Variants in AEBP1 observed in about 807,000 individuals in gnomAD.
The protein encoded by AEBP1 is AE binding protein 1, also known as adipocyte enhancer-binding protein 1.
A neutral mutation model predicts 116.5 loss-of-function variants in AEBP1; 69 were observed. That is an observed-to-expected ratio of 0.59 (90% CI 0.49 to 0.72). The LOEUF (loss-of-function observed/expected upper bound fraction) is 0.72, where lower values mean the gene tolerates loss of function less well. Among genes scored for constraint, AEBP1 ranks in the 30% least tolerant of loss-of-function variants. The probability of loss-of-function intolerance (pLI) is 0.00; values close to 1 mark genes in which losing one functional copy is unlikely to be tolerated. For missense variants in AEBP1, 1,444 were observed against 1,557.5 expected (o/e 0.93, Z 1.23); for synonymous variants, 627 against 627.3 (o/e 1.00, Z 0.01).
At position 44,111,233 on chromosome 7, in the gene AEBP1, G is replaced by A; in HGVS notation, c.1710G>A (p.Met570Ile). 6.6e-7 allele frequency: 1 copy of A among 1,514,824 alleles called. No individual in the cohort carries two copies. The highest frequency in any genetic ancestry group is 2.3e-5 in the East Asian group (1 of 43,858). 93.8% of individuals were successfully genotyped at this position (1,514,824 alleles called of 1,614,324 possible). ...TCCGGCACCACAGCTACAAGGACAT[G>A]CGCCAGGTTGGGAGCATATATCCTG... is the stretch of plus-strand genomic sequence containing the variant. ...LDFRHHSYKD[M>I]RQLMKVVNEE... Residue 570 changes from methionine (M) to isoleucine (I), a missense_variant, in exon 14 of 21, where the codon ATG (methionine) becomes ATA (isoleucine). By Grantham distance (10) the Met-to-Ile change is conservative. Coordinates refer to ENST00000223357, the MANE Select transcript of AEBP1 (RefSeq NM_001129.5). This position sits in a 1 kb window ranked among gnomAD's most constrained non-coding sequence, Gnocchi z 4.7.
In AEBP1 at chr7:44,108,967, GA is replaced by G. The variant is rs763733860; in HGVS notation, c.1010del (p.Glu337GlyfsTer3). ...DAERQTDEEKEELKKPKKEDS... is the reference protein window; with the variant it reads ...DAERQTDEEKXELKKPKKEDS... ...TGAGCGCCAGACAGACGAAGAGAAGGAGGAGCTGAGTGAGTGGGACCAAGGA... is the reference window on the plus strand; with the variant it reads ...TGAGCGCCAGACAGACGAAGAGAAGGGGAGCTGAGTGAGTGGGACCAAGGA... On this transcript the variant is annotated frameshift_variant, in exon 7 of 21. Coordinates refer to ENST00000223357, the MANE Select transcript of AEBP1 (RefSeq NM_001129.5). LOFTEE classifies it high-confidence loss of function. The surrounding 1 kb of genome is among the most constrained non-coding windows in gnomAD (Gnocchi z 5.0). 1 of 1,604,950 alleles carries G rather than the reference GA, an allele frequency of 6.2e-7. No homozygotes were observed. The highest frequency in any genetic ancestry group is 1.7e-5 in the Admixed American group (1 of 58,606).
Position 44,110,070 on chromosome 7 carries a change from C to T in AEBP1, c.1206C>T (p.Ala402=), listed in dbSNP as rs1472973201. The T allele has an allele frequency of 1.2e-6, 2 of 1,613,124 alleles. No individual in the cohort carries two copies. The highest frequency in any genetic ancestry group is 1.1e-5 in the South Asian group (1 of 91,092). ...SHRIEDNQIR[A]SSMLRHGLGA... ...GTATTGAGGACAACCAGATCCGAGC[C>T]TCCTCCATGCTGCGCCACGGCCTGG... is the stretch of plus-strand genomic sequence containing the variant. Residue 402 remains alanine, a synonymous_variant, in exon 10 of 21, where the codon GCC becomes GCT. Coordinates refer to ENST00000223357, the MANE Select transcript of AEBP1 (RefSeq NM_001129.5).
chr7:44,108,006 G>T lies in AEBP1; in HGVS notation c.863-1G>T. 1 of 1,584,346 alleles carries T rather than the reference G, an allele frequency of 6.3e-7. No individual in the cohort carries two copies. Among genetic ancestry groups the T allele is most frequent in the Admixed American group, 1.8e-5 (1 of 56,192 alleles). On this transcript the variant is annotated splice_acceptor_variant, in intron 5 of 20. Coordinates refer to ENST00000223357, the MANE Select transcript of AEBP1 (RefSeq NM_001129.5). LOFTEE classifies it high-confidence loss of function. This position sits in a 1 kb window ranked among gnomAD's most constrained non-coding sequence, Gnocchi z 5.0. ...CCCTCCTAACCTCCCCGCCTCCCCAGAGCCTCCTGTGAAGCCTCTGCTGCC... is the reference window on the plus strand; with the variant it reads ...CCCTCCTAACCTCCCCGCCTCCCCATAGCCTCCTGTGAAGCCTCTGCTGCC...
In AEBP1 at chr7:44,112,117, T is replaced by C; in HGVS notation, c.2038-25T>C. The C allele has an allele frequency of 6.3e-7, 1 of 1,597,496 alleles. No individual in the cohort carries two copies. The highest frequency in any genetic ancestry group is 1.1e-5 in the South Asian group (1 of 89,906). On this transcript the variant is annotated intron_variant, in intron 16 of 20. Coordinates refer to ENST00000223357, the MANE Select transcript of AEBP1 (RefSeq NM_001129.5). This position sits in a 1 kb window ranked among gnomAD's most constrained non-coding sequence, Gnocchi z 6.6. ...GGGTTGTGGGGGTGTGGGTAGCCGA[T>C]GCCTACCCTGCTGGCTCCCCACAGG...
At position 44,107,318 on chromosome 7, in the gene AEBP1, C is replaced by T. The variant is rs1264851654; in HGVS notation, c.596-121C>T. 19 of 954,018 alleles carry T rather than the reference C, an allele frequency of 2.0e-5. No homozygotes were observed. Among genetic ancestry groups the T allele is most frequent in the East Asian group, 5.1e-5 (2 of 39,184 alleles). The allele number at this position is 954,018 out of a possible 1,614,324, so 59.1% of individuals were successfully genotyped here. On this transcript the variant is annotated intron_variant, in intron 2 of 20. Transcript: ENST00000223357. This position sits in a 1 kb window ranked among gnomAD's most constrained non-coding sequence, Gnocchi z 4.3. ...AGCTCAGGCCTCCTTGGAGTGAGCT[C>T]GGCCTCAGGAGGGTGTCCACAGGCT... is the stretch of plus-strand genomic sequence containing the variant.
chr7:44,109,373 G>A (rs372114809), intron 9 of AEBP1, 32 bp downstream of exon 9: 4 of 1,392,666 alleles, frequency 2.9e-6, no homozygotes, highest in Non-Finnish European at 2.9e-6. Context: ...GTGAGGGTGG[G>A]GGCCACAGGA....
In AEBP1 at chr7:44,108,142, G is replaced by C; in HGVS notation, c.940+58G>C. On this transcript the variant is annotated intron_variant, in intron 6 of 20. Coordinates refer to ENST00000223357, the MANE Select transcript of AEBP1 (RefSeq NM_001129.5). The surrounding 1 kb of genome is among the most constrained non-coding windows in gnomAD (Gnocchi z 5.0). ...ATAGGCAGGTGGGGGTCGGGGCTGG[G>C]GTGTGGTCAGGAGCCAGCTGGGGCA... The C allele has an allele frequency of 1.3e-6, 2 of 1,516,680 alleles. No individual in the cohort carries two copies. Among genetic ancestry groups the C allele is most frequent in the South Asian group, 2.4e-5 (2 of 83,006 alleles). 94.0% of individuals were successfully genotyped at this position (1,516,680 alleles called of 1,614,324 possible).
In AEBP1 at chr7:44,113,598, T is replaced by C; in HGVS notation, c.2814T>C (p.Ser938=). 1 of 1,609,816 alleles carries C rather than the reference T, an allele frequency of 6.2e-7. No individual in the cohort carries two copies. Among genetic ancestry groups the C allele is most frequent in the Non-Finnish European group, 8.5e-7 (1 of 1,178,950 alleles). ...SGINHGVKTA[S]GGDYWRILNP... ...CGGATCGTTCTCCCTCCGCAGCCAGTGGTGGTGATTACTGGCGAATCTTGA... is the reference window on the plus strand; with the variant it reads ...CGGATCGTTCTCCCTCCGCAGCCAGCGGTGGTGATTACTGGCGAATCTTGA... Residue 938 remains serine (S), a synonymous_variant, in exon 21 of 21, where the codon AGT becomes AGC. Coordinates refer to ENST00000223357, the MANE Select transcript of AEBP1 (RefSeq NM_001129.5). This position sits in a 1 kb window ranked among gnomAD's most constrained non-coding sequence, Gnocchi z 5.3.
rs747161832 is a variant in AEBP1 at position 44,111,872 on chromosome 7, A to T, written c.1859A>T (p.Tyr620Phe). The change falls in exon 16 of 21, where the codon TAC (tyrosine) becomes TTC (phenylalanine). Residue 620 changes from tyrosine to phenylalanine, a missense_variant. Physicochemically the swap from Tyr to Phe is conservative, Grantham distance 22. Coordinates refer to ENST00000223357, the MANE Select transcript of AEBP1 (RefSeq NM_001129.5). The surrounding 1 kb of genome is among the most constrained non-coding windows in gnomAD (Gnocchi z 4.7). ...EHELGEPEFR[Y>F]TAGIHGNEVL... ...CTTGCAGGGGAGCCCGAGTTCCGCT[A>T]CACTGCTGGGATCCATGGCAACGAG... 2 of 1,613,294 alleles carry T rather than the reference A, an allele frequency of 1.2e-6. No individual in the cohort carries two copies. Among genetic ancestry groups the T allele is most frequent in the Non-Finnish European group, 1.7e-6 (2 of 1,179,940 alleles).
chr7:44,105,045 C>A, intron 1 of AEBP1, 127 bp downstream of exon 1: 1 of 869,718 alleles, frequency 1.1e-6, no homozygotes, highest in Non-Finnish European at 1.7e-6. Flanking sequence ...AATGCGCACG[C>A]GAGCCCAGAT....
intron 1 of AEBP1, among the ~76,000 whole-genome samples, chr7:44,105,666 C>T (rs2096222229): frequency 1.3e-5 from 2 of 152,262 alleles, no homozygotes; most frequent in Admixed American, 1.3e-4. Context: ...CTGCCTGTGC[C>T]CCTCCTGCCT....
Position 44,108,186 on chromosome 7 carries a change from C to T in AEBP1, c.940+102C>T, listed in dbSNP as rs1380485729. The T allele has an allele frequency of 8.7e-7, 1 of 1,151,972 alleles. No homozygotes were observed. Among genetic ancestry groups the T allele is most frequent in the Non-Finnish European group, 1.3e-6 (1 of 797,902 alleles). The allele number at this position is 1,151,972 out of a possible 1,614,324, so 71.4% of individuals were successfully genotyped here. A position where few individuals can be genotyped will look rare whatever the true frequency, so the allele number is the denominator to read the frequency against. ...TGGGGCAACTCACCCACCTTGCAAC[C>T]CCACCTGTGCCCGTGGTTACCTCGC... is the stretch of plus-strand genomic sequence containing the variant. On this transcript the variant is annotated intron_variant, in intron 6 of 20. Coordinates refer to ENST00000223357, the MANE Select transcript of AEBP1 (RefSeq NM_001129.5). This position sits in a 1 kb window ranked among gnomAD's most constrained non-coding sequence, Gnocchi z 5.0.
In AEBP1 at chr7:44,112,119, C is replaced by T. The variant is rs960547527; in HGVS notation, c.2038-23C>T. The stretch of plus-strand genomic sequence containing the variant: ...GTTGTGGGGGTGTGGGTAGCCGATG[C>T]CTACCCTGCTGGCTCCCCACAGGGC... On this transcript the variant is annotated intron_variant, in intron 16 of 20. Transcript: ENST00000223357. This position sits in a 1 kb window ranked among gnomAD's most constrained non-coding sequence, Gnocchi z 6.6. 1.9e-6 allele frequency: 3 copies of T among 1,596,910 alleles called. No homozygotes were observed. The African/African-American group carries it at 4.0e-5, about 21-fold the overall frequency.
rs753531562 is a variant in AEBP1, at chr7:44,111,938, T to C, written c.1925T>C (p.Leu642Pro). The change falls in exon 16 of 21, where the codon CTG (leucine) becomes CCG (proline). Residue 642 changes from leucine (L) to proline (P), a missense_variant. By Grantham distance (98) the Leu-to-Pro change is moderately conservative. Transcript: ENST00000223357. This position sits in a 1 kb window ranked among gnomAD's most constrained non-coding sequence, Gnocchi z 4.7. The part of the protein sequence containing the change: ...RELLLLLMQY[L>P]CREYRDGNPR... ...CTGTTGCTGCTGCTCATGCAGTACC[T>C]GTGCCGAGAGTACCGCGATGGGAAC... 15 of 1,613,740 alleles carry C rather than the reference T, an allele frequency of 9.3e-6. No individual in the cohort carries two copies. The highest frequency in any genetic ancestry group is 1.7e-5 in the Admixed American group (1 of 60,000).
chr7:44,111,624 G>T lies in AEBP1; in HGVS notation c.1834G>T (p.Glu612Ter). 1 of 1,612,936 alleles carries T rather than the reference G, an allele frequency of 6.2e-7. No individual in the cohort carries two copies. Among genetic ancestry groups the T allele is most frequent in the South Asian group, 1.1e-5 (1 of 91,036 alleles). Residue 612 changes from glutamate (E) to a stop codon, truncating the protein, a stop_gained, in exon 15 of 21, where the codon GAA (glutamate) becomes TAA (stop). Coordinates refer to ENST00000223357, the MANE Select transcript of AEBP1 (RefSeq NM_001129.5). LOFTEE classifies it high-confidence loss of function. This position sits in a 1 kb window ranked among gnomAD's most constrained non-coding sequence, Gnocchi z 4.7. ...MEISDNPGEH[E>*]LGEPEFRYTA... ...GATCTCAGACAACCCTGGGGAGCAT[G>T]AACTGGGTGAGGGTCTGTGGGGGCC... is the stretch of plus-strand genomic sequence containing the variant.
rs190076457 is a variant in AEBP1 at position 44,107,065 on chromosome 7, T to C, written c.595+178T>C. Among the ~76,000 whole-genome samples, 1 of 152,362 alleles carries C rather than the reference T, an allele frequency of 6.6e-6. No homozygotes were observed. Among genetic ancestry groups the C allele is most frequent in the Non-Finnish European group, 1.5e-5 (1 of 68,034 alleles). ...TGATTGGTGGGCTCCCTCAGTGCTG[T>C]AGCCTCTTTTGGGTAGGGAGAGGGC... On this transcript the variant is annotated intron_variant, in intron 2 of 20. Transcript: ENST00000223357. This position sits in a 1 kb window ranked among gnomAD's most constrained non-coding sequence, Gnocchi z 4.3.
At chr7:44,110,465 A>T in intron 11 of AEBP1, 119 bp downstream of exon 11, 1 of 1,454,884 alleles carries the variant, frequency 6.9e-7, no homozygotes, top group South Asian at 1.3e-5. Flanking sequence ...AAGGCCAAAA[A>T]GATCAGTGAG....
At position 44,112,870 on chromosome 7, in the gene AEBP1, G is replaced by A; in HGVS notation, c.2530G>A (p.Gly844Ser). 1 of 1,612,242 alleles carries A rather than the reference G, an allele frequency of 6.2e-7. No homozygotes were observed. Among genetic ancestry groups the A allele is most frequent in the Non-Finnish European group, 8.5e-7 (1 of 1,179,370 alleles). ...AGCCCAGGACTACACCGGCGGCATG[G>A]GCATCGTCAACGGGGCCAAGTGGAA... Reference protein sequence around the residue: ...CQAQDYTGGMGIVNGAKWNPR... With the variant: ...CQAQDYTGGMSIVNGAKWNPR... Residue 844 changes from glycine (G) to serine (S), a missense_variant, in exon 18 of 21, where the codon GGC becomes AGC. Physicochemically the swap from Gly to Ser is moderately conservative, Grantham distance 56. Coordinates refer to ENST00000223357, the MANE Select transcript of AEBP1 (RefSeq NM_001129.5). The surrounding 1 kb of genome is among the most constrained non-coding windows in gnomAD (Gnocchi z 6.6).
At position 44,111,267 on chromosome 7, in the gene AEBP1, G is replaced by T; in HGVS notation, c.1716+28G>T. Reference sequence around the variant, plus strand: ...TGGGAGCATATATCCTGGGGCTGGGGGTGGGACCTGTCTGTGGCTGACGGG... The same window carrying T: ...TGGGAGCATATATCCTGGGGCTGGGTGTGGGACCTGTCTGTGGCTGACGGG... On this transcript the variant is annotated intron_variant, in intron 14 of 20. Transcript: ENST00000223357. The surrounding 1 kb of genome is among the most constrained non-coding windows in gnomAD (Gnocchi z 4.7). The T allele has an allele frequency of 6.7e-7, 1 of 1,503,520 alleles. No homozygotes were observed. 93.1% of individuals were successfully genotyped at this position (1,503,520 alleles called of 1,614,324 possible).
Sources: allele counts gnomAD v4.1 joint callset (sites outside exome capture counted in the v4.1 genomes callset), GRCh38; gene constraint gnomAD v4.1.1; non-coding constraint Gnocchi (gnomAD v3.1); transcripts MANE v1.5; gene names NCBI Gene and HGNC (gene_info 2026-07-23, HGNC 2026-07-21).